The following BCO1 variants were observed in gnomAD, a reference collection of about 807,000 sequenced individuals.
BCO1 encodes the protein beta-carotene oxygenase 1.
BCO1 carries 54 observed loss-of-function variants against 56.3 expected under a neutral mutation model. The observed-to-expected ratio is 0.96, with a 90% CI of 0.77 to 1.20. BCO1 has a LOEUF of 1.20. BCO1 is among the 50% of genes most tolerant of loss of function. The pLI is 0.00. For synonymous variants in BCO1, 318 were observed against 266.1 expected (o/e 1.20, Z -1.90); for missense variants, 801 against 690.9 (o/e 1.16, Z -1.79).
At chr16:81,279,791 ATT>A (rs1907760585) in intron 7 of BCO1, among the ~76,000 whole-genome samples, 1 of 152,216 alleles carries the variant, frequency 6.6e-6, no homozygotes. Flanking sequence ...CTGACTGTAA[ATT>A]GAGACCAAGA....
chr16:81,265,432 T>TC (rs955616228), intron 5 of BCO1, among the ~76,000 whole-genome samples: 1 of 141,560 alleles, frequency 7.1e-6, no homozygotes, highest in Non-Finnish European at 1.5e-5. Context: ...CCACCATCCA[T>TC]CCATTCATCC....
At chr16:81,271,960 C>G (rs761325140) in intron 7 of BCO1, among the ~76,000 whole-genome samples, 1 of 151,886 alleles carries the variant, frequency 6.6e-6, no homozygotes, top group African/African-American at 2.4e-5. Flanking sequence ...TTGCCCAGGC[C>G]GGTCTTGAAC....
In BCO1 at chr16:81,274,022, T is replaced by C. The variant is rs1907398915; in HGVS notation, c.1101+3606T>C. Among the ~76,000 whole-genome samples the C allele has an allele frequency of 2.6e-5, 4 of 152,256 alleles. No individual in the cohort carries two copies. The South Asian group carries it at 8.3e-4, about 32-fold the overall frequency. Reference sequence around the variant, plus strand: ...CATGAGCCCTGGGCGCCTGCACCCCTTGCTCCAGAAGCACCGCAGTGCAGC... The same window carrying C: ...CATGAGCCCTGGGCGCCTGCACCCCCTGCTCCAGAAGCACCGCAGTGCAGC... On this transcript the variant is annotated intron_variant, in intron 7 of 10. Transcript: ENST00000258168.
At chr16:81,284,983 T>G (rs1908093181) in intron 8 of BCO1, among the ~76,000 whole-genome samples, 1 of 151,784 alleles carries the variant, frequency 6.6e-6, no homozygotes, top group African/African-American at 2.4e-5. Flanking sequence ...ATTACAGGCA[T>G]GCGGCACCAT....
intron 7 of BCO1, among the ~76,000 whole-genome samples, chr16:81,274,648 G>C (rs915657438): frequency 1.3e-5 from 2 of 152,170 alleles, no homozygotes; most frequent in Non-Finnish European, 2.9e-5. Context: ...GGAGGCCCAG[G>C]CAGGTGATCA....
chr16:81,270,991 G>A (rs944270457), intron 7 of BCO1, among the ~76,000 whole-genome samples: 1 of 152,054 alleles, frequency 6.6e-6, no homozygotes, highest in African/African-American at 2.4e-5. Context: ...TGATCCACCC[G>A]CCTCGGCCTC....
At chr16:81,286,427 A>T (rs1908183787) in intron 9 of BCO1, among the ~76,000 whole-genome samples, 1 of 152,180 alleles carries the variant, frequency 6.6e-6, no homozygotes. Context: ...GCCTATTGGG[A>T]GATTAAGAGA....
At chr16:81,277,506 G>C (rs1907628907) in intron 7 of BCO1, among the ~76,000 whole-genome samples, 1 of 152,126 alleles carries the variant, frequency 6.6e-6, no homozygotes, top group Non-Finnish European at 1.5e-5. Context: ...ATAATGCTCA[G>C]ATGCAGGTGG....
At chr16:81,287,542 T>C in intron 10 of BCO1, 136 bp downstream of exon 10, 1 of 745,744 alleles carries the variant, frequency 1.3e-6, no homozygotes, top group Non-Finnish European at 2.4e-6. Context: ...TACATCTGTC[T>C]GGGTCAAAGC....
intron 7 of BCO1, among the ~76,000 whole-genome samples, chr16:81,271,111 TA>T (rs749153475): frequency 2.9e-4 from 33 of 111,902 alleles, no homozygotes; most frequent in South Asian, 1.1e-3. Context: ...CCCTTTTATT[TA>T]TTTTTTTTTT....
chr16:81,265,549 C>G (rs1418673385), intron 5 of BCO1, among the ~76,000 whole-genome samples: 1 of 139,176 alleles, frequency 7.2e-6, no homozygotes, highest in African/African-American at 2.6e-5. Flanking sequence ...CATTCACTTA[C>G]CCACCATCCA....
At chr16:81,270,121 G>A (rs765092167) in intron 6 of BCO1, 38 bp from the exon 7 acceptor site, 2 of 1,613,240 alleles carry the variant, frequency 1.2e-6, no homozygotes, top group African/African-American at 1.3e-5. Context: ...CAGGCTGAGA[G>A]AGGGTGAGCT....
At chr16:81,290,243 G>T in intron 10 of BCO1, 105 bp from the exon 11 acceptor site, 1 of 952,246 alleles carries the variant, frequency 1.1e-6, no homozygotes. Context: ...TCCTGTTTTG[G>T]TTAGATACAT....
rs954747176 is a variant in BCO1, at chr16:81,253,350, T to C, written c.194-6326T>C. Among the ~76,000 whole-genome samples, 4 of 152,170 alleles carry C rather than the reference T, an allele frequency of 2.6e-5. No individual in the cohort carries two copies. In the South Asian group the frequency reaches 8.3e-4, roughly 31 times the overall value. On this transcript the variant is annotated intron_variant, in intron 2 of 10. Coordinates refer to ENST00000258168, the MANE Select transcript of BCO1 (RefSeq NM_017429.3). Reference sequence around the variant, plus strand: ...CACAGTGCTTTGCAAGCCTCAAATGTCACGTGACTCTGCAAGGACTGTGTC... The same window carrying C: ...CACAGTGCTTTGCAAGCCTCAAATGCCACGTGACTCTGCAAGGACTGTGTC...
At chr16:81,255,339 C>G (rs1906064712) in intron 2 of BCO1, among the ~76,000 whole-genome samples, 1 of 152,142 alleles carries the variant, frequency 6.6e-6, no homozygotes, top group Non-Finnish European at 1.5e-5. Flanking sequence ...GCTGCTTAAC[C>G]TCTCTGTGCC....
intron 1 of BCO1, among the ~76,000 whole-genome samples, chr16:81,244,243 G>C (rs1056955230): frequency 2.0e-5 from 3 of 152,210 alleles, no homozygotes; most frequent in African/African-American, 7.2e-5. Flanking sequence ...CCTGCCTCTA[G>C]AGCAGGGCTG....
At chr16:81,269,301 C>CTT (rs113430450) in intron 6 of BCO1, among the ~76,000 whole-genome samples, 16 of 137,232 alleles carry the variant, frequency 1.2e-4, no homozygotes, top group African/African-American at 3.0e-4. Context: ...TTTAGTTTTT[C>CTT]TTTTTTTTTT....
chr16:81,275,979 C>A lies in BCO1; in HGVS notation c.1102-4878C>A, dbSNP rs556518220. The stretch of plus-strand genomic sequence containing the variant: ...TCTGGACCTTGGCCCTGCCCTGGTG[C>A]TGCAGGGCGCTGTGTGAGGCCCGAG... On this transcript the variant is annotated intron_variant, in intron 7 of 10. Coordinates refer to ENST00000258168, the MANE Select transcript of BCO1 (RefSeq NM_017429.3). Among the ~76,000 whole-genome samples, 3 of 152,326 alleles carry A rather than the reference C, an allele frequency of 2.0e-5. No homozygotes were observed. The East Asian group carries it at 5.8e-4, about 29-fold the overall frequency.
At chr16:81,279,150 G>A (rs1262335632) in intron 7 of BCO1, among the ~76,000 whole-genome samples, 1 of 152,058 alleles carries the variant, frequency 6.6e-6, no homozygotes, top group African/African-American at 2.4e-5. Context: ...GGTGACGCAT[G>A]CCCGTAGTCC....
Sources: allele counts gnomAD v4.1 joint callset (sites outside exome capture counted in the v4.1 genomes callset), GRCh38; gene constraint gnomAD v4.1.1; transcripts MANE v1.5; gene names NCBI Gene and HGNC (gene_info 2026-07-23, HGNC 2026-07-21).